Variants in HNRNPLL observed in about 807,000 individuals in gnomAD.
The protein encoded by HNRNPLL is heterogeneous nuclear ribonucleoprotein L like.
HNRNPLL carries 25 observed loss-of-function variants against 67.1 expected under a neutral mutation model. The observed-to-expected ratio is 0.37, with a 90% CI of 0.27 to 0.52. The LOEUF is 0.52. Among genes scored for constraint, HNRNPLL ranks in the 20% least tolerant of loss-of-function variants. The pLI is 0.90. For missense variants in HNRNPLL, 542 were observed against 673.9 expected, an observed-to-expected ratio of 0.80 and a Z score of 2.17; for synonymous variants, 267 against 241.7, an observed-to-expected ratio of 1.10 and a Z score of -0.97.
intron 10 of HNRNPLL, 117 bp downstream of exon 10, chr2:38,569,016 A>T (rs551615578): frequency 1.3e-6 from 1 of 747,018 alleles, no homozygotes; most frequent in Admixed American, 2.2e-5. Context: ...CAAGTAAATA[A>T]AATAGTAATA....
Position 38,572,636 on chromosome 2 carries a change from A to G in HNRNPLL, c.1092+574T>C, listed in dbSNP as rs182921701. ...AACACAGTTATTTGATAATAAAGTT[A>G]CAATTATTAAAGACCTTCAAAATAT... On this transcript the variant is annotated intron_variant, in intron 8 of 12. Transcript: ENST00000449105. 1.4e-3 allele frequency among the ~76,000 whole-genome samples: 207 copies of G among 152,262 alleles called. 1 individual carries two copies. The highest frequency in any genetic ancestry group is 4.8e-3 in the African/African-American group (201 of 41,578).
At chr2:38,595,230 A>T (rs763124716) in intron 1 of HNRNPLL, among the ~76,000 whole-genome samples, 6 of 148,280 alleles carry the variant, frequency 4.0e-5, no homozygotes, top group South Asian at 2.2e-4. Context: ...CAGTGAGCCA[A>T]GATCGTGCCA....
rs781718537 is a variant in HNRNPLL at position 38,602,660 on chromosome 2, T to C, written c.-34A>G. Reference sequence around the variant, plus strand: ...CCGGAGGGACCGGCTGGCAGGCGGGTGGGGGTGGCGGTGGGGCGCGCGCCT... The same window carrying C: ...CCGGAGGGACCGGCTGGCAGGCGGGCGGGGGTGGCGGTGGGGCGCGCGCCT... On this transcript the variant is annotated 5_prime_UTR_variant, in exon 1 of 13. Transcript: ENST00000449105. 6.9e-7 allele frequency: 1 copy of C among 1,455,866 alleles called. No individual in the cohort carries two copies. The allele number at this position is 1,455,866 out of a possible 1,614,324, so 90.2% of individuals were successfully genotyped here.
chr2:38,597,759 G>A (rs1422967383), intron 1 of HNRNPLL, among the ~76,000 whole-genome samples: 5 of 151,132 alleles, frequency 3.3e-5, no homozygotes, highest in Non-Finnish European at 5.9e-5. Context: ...CACGATCTCA[G>A]CTCACTGCAA....
At chr2:38,601,625 T>C (rs1667439380) in intron 1 of HNRNPLL, 1 of 152,246 alleles carries the variant, frequency 6.6e-6, no homozygotes, top group African/African-American at 2.4e-5. Flanking sequence ...CTAACATTTC[T>C]GGTAAGAGAA....
At chr2:38,572,257 T>C (rs527555807) in intron 8 of HNRNPLL, among the ~76,000 whole-genome samples, 1 of 152,066 alleles carries the variant, frequency 6.6e-6, no homozygotes, top group Non-Finnish European at 1.5e-5. Flanking sequence ...ATCAAATGGT[T>C]GACAAAATTC....
intron 2 of HNRNPLL, among the ~76,000 whole-genome samples, chr2:38,588,651 T>C (rs534088851): frequency 5.9e-5 from 9 of 152,032 alleles, no homozygotes; most frequent in Non-Finnish European, 1.2e-4. Context: ...TAAAATGTTT[T>C]ATTTTCCTTT....
chr2:38,586,959 G>C (rs1406980394), intron 2 of HNRNPLL, among the ~76,000 whole-genome samples: 1 of 152,126 alleles, frequency 6.6e-6, no homozygotes, highest in African/African-American at 2.4e-5. Flanking sequence ...AAGAAAGGAA[G>C]GAAGAGTTGA....
At chr2:38,576,848 A>T (rs1357208545) in intron 7 of HNRNPLL, among the ~76,000 whole-genome samples, 2 of 151,986 alleles carry the variant, frequency 1.3e-5, no homozygotes, top group Non-Finnish European at 2.9e-5. Context: ...TAGTTAAAAG[A>T]TTCTACTTAT....
chr2:38,576,638 G>C (rs760182927), intron 7 of HNRNPLL, among the ~76,000 whole-genome samples: 109 of 151,716 alleles, frequency 7.2e-4, no homozygotes, highest in African/African-American at 1.2e-4. Context: ...GGTCATTAAA[G>C]TAAGTATGTA....
At position 38,597,751 on chromosome 2, in the gene HNRNPLL, C is replaced by T. The variant is rs150471717; in HGVS notation, c.189+4687G>A. ...TCGCCCAGGCTGGAGTGCAGTGGCACGATCTCAGCTCACTGCAACCGTCGC... is the reference window on the plus strand; with the variant it reads ...TCGCCCAGGCTGGAGTGCAGTGGCATGATCTCAGCTCACTGCAACCGTCGC... On this transcript the variant is annotated intron_variant, in intron 1 of 12. Transcript: ENST00000449105. Among the ~76,000 whole-genome samples, 120 of 151,358 alleles carry T rather than the reference C, an allele frequency of 7.9e-4. 4 individuals are homozygous for T. In the East Asian group the frequency reaches 0.014, roughly 17 times the overall value.
chr2:38,570,441 TA>T (rs1276764842), intron 8 of HNRNPLL, among the ~76,000 whole-genome samples: 1 of 152,174 alleles, frequency 6.6e-6, no homozygotes, highest in Admixed American at 6.5e-5. Flanking sequence ...AGAATTCTGT[TA>T]ATGCAGTAAA....
At chr2:38,566,572 C>T (rs768411961) in intron 12 of HNRNPLL, among the ~76,000 whole-genome samples, 3 of 151,930 alleles carry the variant, frequency 2.0e-5, no homozygotes, top group Non-Finnish European at 2.9e-5. Context: ...TCATATATCA[C>T]GGTTGGTAAC....
intron 7 of HNRNPLL, among the ~76,000 whole-genome samples, chr2:38,574,958 C>A (rs1177974303): frequency 6.6e-6 from 1 of 151,690 alleles, no homozygotes; most frequent in African/African-American, 2.4e-5. Context: ...ATACTGCCTC[C>A]CCGCCACCTA....
intron 1 of HNRNPLL, among the ~76,000 whole-genome samples, chr2:38,595,648 A>T (rs1010792792): frequency 1.3e-5 from 2 of 152,176 alleles, no homozygotes; most frequent in Admixed American, 6.5e-5. Flanking sequence ...GTTTGAGATC[A>T]GCCTGGCCAA....
chr2:38,581,437 A>G (rs1666526148), intron 6 of HNRNPLL: 1 of 172,118 alleles, frequency 5.8e-6, no homozygotes, highest in Non-Finnish European at 1.2e-5. Flanking sequence ...GTCAAGGTGA[A>G]TTGCGAGTCT....
In HNRNPLL at chr2:38,562,949, G is replaced by C. The variant is rs987474404; in HGVS notation, c.*1233C>G. The C allele has an allele frequency of 1.3e-5, 2 of 152,056 alleles. No individual in the cohort carries two copies. Among genetic ancestry groups the C allele is most frequent in the Non-Finnish European group, 2.9e-5 (2 of 67,942 alleles). The allele number at this position is 152,056 out of a possible 1,614,324, so 9.4% of individuals were successfully genotyped here. On this transcript the variant is annotated 3_prime_UTR_variant, in exon 13 of 13. Coordinates refer to ENST00000449105, the MANE Select transcript of HNRNPLL (RefSeq NM_138394.4). ...TTCATTTACAAATTTGTTTAAAAGT[G>C]TCAGGATTACAAAACTGATATTGTC...
At chr2:38,602,229 C>T (rs1172786391) in intron 1 of HNRNPLL, 6 of 543,390 alleles carry the variant, frequency 1.1e-5, no homozygotes, top group Admixed American at 4.2e-5. Flanking sequence ...GCTGCGGGGC[C>T]TGCGGCCAGG....
intron 6 of HNRNPLL, 74 bp from the exon 7 acceptor site, chr2:38,577,606 C>T (rs1169254016): frequency 6.8e-6 from 6 of 876,726 alleles, no homozygotes; most frequent in East Asian, 2.4e-5. Context: ...ATGGGAAACA[C>T]CCATTCAAAA....
Sources: gnomAD v4.1 joint callset for allele counts (sites outside exome capture counted in the v4.1 genomes callset) on GRCh38, gnomAD v4.1.1 for gene constraint, MANE v1.5 for transcripts, NCBI Gene and HGNC (gene_info 2026-07-23, HGNC 2026-07-21) for gene names.